COX7A2L: variants seen among roughly 807,000 people sequenced by gnomAD.
COX7A2L encodes cytochrome c oxidase subunit 7A2 like.
Under a neutral mutation model 14.2 loss-of-function variants are expected in COX7A2L, and 18 were observed. The observed-to-expected ratio is 1.27, with a 90% CI of 0.88 to 1.88. COX7A2L has a LOEUF of 1.88. Ranked by LOEUF, COX7A2L falls within the 40% of genes most tolerant of loss-of-function variation. The probability of loss-of-function intolerance (pLI) is 0.00; values close to 1 mark genes in which losing one functional copy is unlikely to be tolerated. For missense variants in COX7A2L, 179 were observed against 138.8 expected, an observed-to-expected ratio of 1.29 and a Z score of -1.46; for synonymous variants, 65 against 57.4, an observed-to-expected ratio of 1.13 and a Z score of -0.60.
chr2:42,362,993 G>C (rs538469801), upstream of COX7A2L, among the ~76,000 whole-genome samples: 216 of 150,922 alleles, frequency 1.4e-3, no homozygotes, highest in African/African-American at 5.1e-3. Context: ...TCCTACCTCA[G>C]TCTCCCGGGT....
chr2:42,367,567 T>A (rs1158194965), intron 1 of COX7A2L, among the ~76,000 whole-genome samples: 1 of 152,148 alleles, frequency 6.6e-6, no homozygotes, highest in Non-Finnish European at 1.5e-5. Flanking sequence ...GAAAGGGAAC[T>A]GGAGAGGGTA....
upstream of COX7A2L, among the ~76,000 whole-genome samples, chr2:42,364,211 A>ACTGCACTCCAGC (rs1397882990): frequency 1.4e-5 from 2 of 145,966 alleles, no homozygotes; most frequent in East Asian, 4.1e-4. Context: ...AGATCGCGCC[A>ACTGCACTCCAGC]CTGCACTCCA....
intron 1 of COX7A2L, among the ~76,000 whole-genome samples, chr2:42,355,717 C>CTTTTTTTTTTTTTTTTTTTTT (rs386390054): frequency 1.4e-5 from 1 of 69,048 alleles, no homozygotes; most frequent in African/African-American, 5.9e-5. Flanking sequence ...ATCCTACGTT[C>CTTTTTTTTTTTTTTTTTTTTT]TTTTTTTTTT....
intron 1 of COX7A2L, among the ~76,000 whole-genome samples, chr2:42,368,649 A>T (rs1370558031): frequency 6.6e-6 from 1 of 152,222 alleles, no homozygotes; most frequent in East Asian, 1.9e-4. Context: ...TAAAATGGGA[A>T]TGATATCTAC....
At chr2:42,364,089 G>A (rs1040729232), upstream of COX7A2L, among the ~76,000 whole-genome samples, 6 of 152,084 alleles carry the variant, frequency 3.9e-5, no homozygotes, top group Non-Finnish European at 7.4e-5. Flanking sequence ...AAAATTGACA[G>A]TGATATAAAA....
chr2:42,349,398 A>T lies in COX7A2L; in HGVS notation c.*1821T>A, dbSNP rs1670570663. 2 of 152,208 alleles carry T rather than the reference A, an allele frequency of 1.3e-5. No individual in the cohort carries two copies. Among genetic ancestry groups the T allele is most frequent in the African/African-American group, 2.4e-5 (1 of 41,454 alleles). 9.4% of individuals were successfully genotyped at this position (152,208 alleles called of 1,614,324 possible). The stretch of plus-strand genomic sequence containing the variant: ...TGAAATGTCCAGGAAAGACAAATCC[A>T]TAGAGACTGAAAGTAGATGAGTGCT... On this transcript the variant is annotated 3_prime_UTR_variant, in exon 3 of 3. Coordinates refer to ENST00000234301, the MANE Select transcript of COX7A2L (RefSeq NM_004718.4).
rs368849527 is a variant in COX7A2L at position 42,353,194 on chromosome 2, T to A, written c.204+18A>T. The A allele has an allele frequency of 6.2e-7, 1 of 1,612,020 alleles. No individual in the cohort carries two copies. The highest frequency in any genetic ancestry group is 1.1e-5 in the South Asian group (1 of 90,448). ...ATTTATTTCACAGGCTTTTCTGTTG[T>A]AGAGTATCTTCCCTCACCTGGAAAA... On this transcript the variant is annotated intron_variant, in intron 2 of 2. Coordinates refer to ENST00000234301, the MANE Select transcript of COX7A2L (RefSeq NM_004718.4).
intron 2 of COX7A2L, 188 bp downstream of exon 2, chr2:42,353,024 C>G: frequency 1.5e-6 from 1 of 667,102 alleles, no homozygotes; most frequent in African/African-American, 1.8e-5. Context: ...AACCACCCTC[C>G]CCTCTTTTAT....
intron 1 of COX7A2L, 164 bp downstream of exon 1, chr2:42,360,926 T>C: frequency 1.4e-6 from 1 of 704,154 alleles, no homozygotes; most frequent in Non-Finnish European, 2.4e-6. Context: ...GAAGCCTCAG[T>C]GACCACCGTA....
rs764143360 is a variant in COX7A2L, at chr2:42,339,469, G to A, written c.193-5600C>T. On this transcript the variant is annotated intron_variant, in intron 2 of 2. Transcript: ENST00000468711. This position sits in a 1 kb window ranked among gnomAD's most constrained non-coding sequence, Gnocchi z 5.4. ...ACTCCTGCCTCTACAGAGCTGGCGC[G>A]GTGGCTTGAGCTCCAGGCATGTGAG... Among the ~76,000 whole-genome samples the A allele has an allele frequency of 2.6e-5, 4 of 152,122 alleles. No individual in the cohort carries two copies. The highest frequency in any genetic ancestry group is 4.4e-5 in the Non-Finnish European group (3 of 68,002).
intron 2 of COX7A2L, among the ~76,000 whole-genome samples, chr2:42,344,117 C>T (rs898416273): frequency 3.3e-5 from 5 of 152,294 alleles, no homozygotes; most frequent in African/African-American, 4.8e-5. Flanking sequence ...CATATCTAAG[C>T]TTAATACGTA....
intron 2 of COX7A2L, 192 bp downstream of exon 2, chr2:42,353,020 C>G (rs1336011388): frequency 1.2e-5 from 8 of 655,162 alleles, no homozygotes; most frequent in Admixed American, 3.4e-5. Context: ...AATTAACCAC[C>G]CTCCCCTCTT....
At position 42,342,728 on chromosome 2, in the gene COX7A2L, G is replaced by A. The variant is rs1317242576; in HGVS notation, c.193-8859C>T. 2.6e-5 allele frequency among the ~76,000 whole-genome samples: 4 copies of A among 152,328 alleles called. No individual in the cohort carries two copies. In the East Asian group the frequency reaches 7.7e-4, roughly 29 times the overall value. On this transcript the variant is annotated intron_variant, in intron 2 of 2. Coordinates refer to the COX7A2L transcript ENST00000468711. The surrounding 1 kb of genome is among the most constrained non-coding windows in gnomAD (Gnocchi z 4.9). ...AACAAGAGAAGGCAGGATGTCCCAG[G>A]AGGGCTGTGTCAGAACTCAAGGAAA...
chr2:42,353,851 A>G (rs925505844), intron 1 of COX7A2L, among the ~76,000 whole-genome samples: 3 of 152,338 alleles, frequency 2.0e-5, no homozygotes, highest in Middle Eastern at 3.4e-3. Context: ...TTCGAAATGA[A>G]CTTTTCAGCA....
chr2:42,337,251 G>C (rs186904489), intron 2 of COX7A2L, among the ~76,000 whole-genome samples: 1 of 152,280 alleles, frequency 6.6e-6, no homozygotes, highest in East Asian at 1.9e-4. Flanking sequence ...GAAAAACCAA[G>C]GTGATGTGCA....
At chr2:42,345,598 G>C (rs1670480288), downstream of COX7A2L, among the ~76,000 whole-genome samples, 1 of 152,234 alleles carries the variant, frequency 6.6e-6, no homozygotes, top group East Asian at 1.9e-4. Flanking sequence ...GGTGGGACAA[G>C]AATGGCTGAG....
downstream of COX7A2L, among the ~76,000 whole-genome samples, chr2:42,346,604 G>A (rs1670502486): frequency 6.6e-6 from 1 of 151,982 alleles, no homozygotes; most frequent in Non-Finnish European, 1.5e-5. Flanking sequence ...ACAGCAGCAA[G>A]ACCTCGTCTC....
intron 1 of COX7A2L, chr2:42,359,546 T>C (rs1024707395): frequency 6.6e-6 from 1 of 152,214 alleles, no homozygotes; most frequent in Non-Finnish European, 1.5e-5. Context: ...CTGCTGACTA[T>C]TCCTTCCTTA....
chr2:42,339,966 A>G lies in COX7A2L; in HGVS notation c.193-6097T>C, dbSNP rs1670368874. Among the ~76,000 whole-genome samples the G allele has an allele frequency of 6.6e-6, 1 of 151,432 alleles. No individual in the cohort carries two copies. The highest frequency in any genetic ancestry group is 2.4e-5 in the African/African-American group (1 of 41,118). On this transcript the variant is annotated intron_variant, in intron 2 of 2. Coordinates refer to the COX7A2L transcript ENST00000468711. This position sits in a 1 kb window ranked among gnomAD's most constrained non-coding sequence, Gnocchi z 5.4. Reference sequence around the variant, plus strand: ...TTCAGTCTTGGTTATCCCCCATTCTATTTCCTCACTCCCACACGACCCTCT... The same window carrying G: ...TTCAGTCTTGGTTATCCCCCATTCTGTTTCCTCACTCCCACACGACCCTCT...
Sources: gnomAD v4.1 joint callset for allele counts (sites outside exome capture counted in the v4.1 genomes callset) on GRCh38, gnomAD v4.1.1 for gene constraint, Gnocchi (gnomAD v3.1) non-coding constraint, MANE v1.5 for transcripts, NCBI Gene and HGNC (gene_info 2026-07-23, HGNC 2026-07-21) for gene names.